STK3: variants seen among roughly 807,000 people sequenced by gnomAD.
STK3 encodes serine/threonine kinase 3.
A neutral mutation model predicts 58.0 loss-of-function variants in STK3; 41 were observed. That is an observed-to-expected ratio of 0.71 (90% CI 0.55 to 0.92). The LOEUF (loss-of-function observed/expected upper bound fraction) is 0.92, where lower values mean the gene tolerates loss of function less well. Among genes scored for constraint, STK3 ranks in the 40% least tolerant of loss-of-function variants. The probability of loss-of-function intolerance (pLI) is 0.00; values close to 1 mark genes in which losing one functional copy is unlikely to be tolerated. For synonymous variants in STK3, 170 were observed against 191.0 expected (o/e 0.89, Z 0.91); for missense variants, 479 against 602.7 (o/e 0.79, Z 2.15).
chr8:98,908,775 G>A (rs1411540797), intron 1 of STK3, among the ~76,000 whole-genome samples: 10 of 150,886 alleles, frequency 6.6e-5, no homozygotes, highest in Admixed American at 4.6e-4. Context: ...CCCGGGAGGC[G>A]GAGGTTGCAG....
At chr8:98,752,793 A>G (rs1183646746) in intron 3 of STK3, among the ~76,000 whole-genome samples, 1 of 152,128 alleles carries the variant, frequency 6.6e-6, no homozygotes, top group African/African-American at 2.4e-5. Context: ...AAATGGGCAA[A>G]GGACATGAAC....
At chr8:98,542,298 A>G (rs564411105) in intron 9 of STK3, among the ~76,000 whole-genome samples, 1 of 152,110 alleles carries the variant, frequency 6.6e-6, no homozygotes, top group Admixed American at 6.5e-5. Context: ...AAATTTCACA[A>G]ACAGTGGAAA....
intron 6 of STK3, among the ~76,000 whole-genome samples, chr8:98,662,415 C>T (rs1312138653): frequency 2.6e-5 from 4 of 152,238 alleles, no homozygotes; most frequent in African/African-American, 9.6e-5. Context: ...ATGTGGAATT[C>T]CCAAGTAATC....
chr8:98,825,581 G>A lies in STK3; in HGVS notation c.-41C>T. Reference sequence around the variant, plus strand: ...AGAGAGGGACCTGGTGGACGGCGAAGGCCGAAAGGAGGAAAGGAGCCGGGG... The same window carrying A: ...AGAGAGGGACCTGGTGGACGGCGAAAGCCGAAAGGAGGAAAGGAGCCGGGG... On this transcript the variant is annotated 5_prime_UTR_variant, in exon 1 of 11. Coordinates refer to ENST00000419617, the MANE Select transcript of STK3 (RefSeq NM_006281.4). 1 of 1,428,122 alleles carries A rather than the reference G, an allele frequency of 7.0e-7. No individual in the cohort carries two copies. The highest frequency in any genetic ancestry group is 9.2e-7 in the Non-Finnish European group (1 of 1,084,652). 88.5% of individuals were successfully genotyped at this position (1,428,122 alleles called of 1,614,324 possible). A position where few individuals can be genotyped will look rare whatever the true frequency, so the allele number is the denominator to read the frequency against.
chr8:98,680,173 G>T (rs1156808776), intron 6 of STK3, among the ~76,000 whole-genome samples: 1 of 151,976 alleles, frequency 6.6e-6, no homozygotes, highest in East Asian at 1.9e-4. Flanking sequence ...AAGATCTTTG[G>T]ATCTTTTATA....
intron 3 of STK3, chr8:98,429,220 C>T (rs1478640524): frequency 1.2e-6 from 2 of 1,614,034 alleles, no homozygotes; most frequent in Admixed American, 1.7e-5. Flanking sequence ...AATAAGTTCT[C>T]CCACTTTTAC....
intron 1 of STK3, among the ~76,000 whole-genome samples, chr8:98,790,916 A>T (rs1041368670): frequency 1.3e-5 from 2 of 151,994 alleles, no homozygotes; most frequent in African/African-American, 4.8e-5. Context: ...CCCCAGAGGC[A>T]GAGGTTGCAG....
chr8:98,430,915 G>A (rs563946347), intron 3 of STK3: 5 of 167,222 alleles, frequency 3.0e-5, no homozygotes, highest in South Asian at 2.1e-4. Flanking sequence ...TGCTCCTCTT[G>A]TTCGGTTAAC....
chr8:98,873,909 C>G (rs186464890), intron 3 of STK3, among the ~76,000 whole-genome samples: 76 of 152,134 alleles, frequency 5.0e-4, no homozygotes, highest in African/African-American at 1.5e-3. Flanking sequence ...TTATTTTGCC[C>G]ATTAGTTGAT....
chr8:98,717,162 A>G (rs1827081553), intron 4 of STK3, among the ~76,000 whole-genome samples: 1 of 152,114 alleles, frequency 6.6e-6, no homozygotes, highest in Non-Finnish European at 1.5e-5. Context: ...CACAAGAATA[A>G]AACAGACAAA....
intron 3 of STK3, among the ~76,000 whole-genome samples, chr8:98,852,063 T>C (rs987194250): frequency 2.0e-5 from 3 of 151,128 alleles, no homozygotes; most frequent in African/African-American, 7.3e-5. Flanking sequence ...AAGAGAATGA[T>C]GTATAGCATT....
At chr8:98,583,117 CT>C (rs533010215) in intron 7 of STK3, among the ~76,000 whole-genome samples, 3,476 of 148,326 alleles carry the variant, frequency 0.023, 61 homozygotes, top group South Asian at 0.065. Flanking sequence ...CTGTTTTTAA[CT>C]TTTTTTTTTA....
At chr8:98,814,831 C>A (rs1182916247) in intron 1 of STK3, among the ~76,000 whole-genome samples, 1 of 152,138 alleles carries the variant, frequency 6.6e-6, no homozygotes, top group Non-Finnish European at 1.5e-5. Context: ...CAGGTGTGCA[C>A]CACCATGCCC....
chr8:98,662,604 A>G (rs1422859131), intron 6 of STK3, among the ~76,000 whole-genome samples: 1 of 152,306 alleles, frequency 6.6e-6, no homozygotes, highest in East Asian at 1.9e-4. Flanking sequence ...CAAATGTGTT[A>G]TGAAGGCTTT....
chr8:98,895,800 C>T (rs947330497), intron 1 of STK3, among the ~76,000 whole-genome samples: 1 of 152,098 alleles, frequency 6.6e-6, no homozygotes, highest in East Asian at 1.9e-4. Context: ...TGATAAATAT[C>T]CTTATTGTTC....
chr8:98,454,541 A>G (rs550842934), downstream of STK3: 1 of 152,482 alleles, frequency 6.6e-6, no homozygotes, highest in South Asian at 2.1e-4. Flanking sequence ...TCAGCACTGC[A>G]TAATCTAGCC....
At chr8:98,545,615 A>G (rs1810638656) in intron 9 of STK3, among the ~76,000 whole-genome samples, 1 of 152,200 alleles carries the variant, frequency 6.6e-6, no homozygotes, top group Non-Finnish European at 1.5e-5. Flanking sequence ...GAGTAAGTGT[A>G]AACATAATTT....
At chr8:98,478,870 C>G (rs1049560016) in intron 10 of STK3, among the ~76,000 whole-genome samples, 1 of 152,192 alleles carries the variant, frequency 6.6e-6, no homozygotes, top group African/African-American at 2.4e-5. Context: ...AGAGCTTTCT[C>G]TATCTGCTCT....
At chr8:98,738,180 T>C (rs915307950) in intron 4 of STK3, among the ~76,000 whole-genome samples, 1 of 152,168 alleles carries the variant, frequency 6.6e-6, no homozygotes, top group African/African-American at 2.4e-5. Flanking sequence ...GACAACTTAT[T>C]CTAAAACTTA....
Sources: allele counts gnomAD v4.1 joint callset (sites outside exome capture counted in the v4.1 genomes callset), GRCh38; gene constraint gnomAD v4.1.1; transcripts MANE v1.5; gene names NCBI Gene and HGNC (gene_info 2026-07-23, HGNC 2026-07-21).